Variants in FBXL17 observed in about 807,000 individuals in gnomAD.
FBXL17 encodes F-box/LRR-repeat protein 17.
Under a neutral mutation model 66.2 loss-of-function variants are expected in FBXL17, and 22 were observed. The ratio of observed to expected loss-of-function variants is 0.33; its 90% CI spans 0.24 to 0.47. FBXL17 has a LOEUF of 0.47. Among genes scored for constraint, FBXL17 ranks in the 20% least tolerant of loss-of-function variants. FBXL17 has a pLI of 1.00. For synonymous variants in FBXL17, 474 were observed against 400.5 expected (o/e 1.18, Z -2.19); for missense variants, 878 against 948.2 (o/e 0.93, Z 0.97).
chr5:108,377,220 C>T (rs1749501840), intron 1 of FBXL17, among the ~76,000 whole-genome samples: 1 of 152,204 alleles, frequency 6.6e-6, no homozygotes, highest in African/African-American at 2.4e-5. Flanking sequence ...AGTTAGACAA[C>T]CTCAGGTCTC....
intron 5 of FBXL17, among the ~76,000 whole-genome samples, chr5:108,223,186 CAT>C (rs1364887955): frequency 6.6e-6 from 1 of 152,104 alleles, no homozygotes. Flanking sequence ...CTAGGTAACT[CAT>C]AAACATTTGC....
At chr5:108,064,903 TGGGC>T (rs889568728) in intron 6 of FBXL17, among the ~76,000 whole-genome samples, 1 of 152,192 alleles carries the variant, frequency 6.6e-6, no homozygotes. Context: ...GGATCTCATC[TGGGC>T]CACTGCTTTT....
chr5:107,986,855 A>C (rs1422923134), intron 7 of FBXL17, among the ~76,000 whole-genome samples: 1 of 152,014 alleles, frequency 6.6e-6, no homozygotes, highest in African/African-American at 2.4e-5. Flanking sequence ...TTGAGGGTGG[A>C]AACATCTAAC....
chr5:107,965,667 G>A (rs1752100081), intron 7 of FBXL17, among the ~76,000 whole-genome samples: 1 of 152,136 alleles, frequency 6.6e-6, no homozygotes, highest in Non-Finnish European at 1.5e-5. Flanking sequence ...AACATACCCT[G>A]TTCCATTATT....
intron 7 of FBXL17, 38 bp from the exon 8 acceptor site, chr5:107,881,217 A>C: frequency 1.6e-6 from 2 of 1,243,358 alleles, no homozygotes; most frequent in South Asian, 1.5e-5. Context: ...TAATGTTAGC[A>C]GTGTAAGGGA....
chr5:108,247,251 C>T (rs1385110200), intron 4 of FBXL17, among the ~76,000 whole-genome samples: 13 of 151,118 alleles, frequency 8.6e-5, no homozygotes, highest in East Asian at 5.8e-4. Context: ...CTACATAAAA[C>T]GAAGATAGAG....
At chr5:107,978,480 C>T (rs2112664007) in intron 7 of FBXL17, among the ~76,000 whole-genome samples, 1 of 152,316 alleles carries the variant, frequency 6.6e-6, no homozygotes, top group African/African-American at 2.4e-5. Context: ...AGATTTGTAA[C>T]TTCCCCATTA....
At chr5:108,021,938 T>C (rs145056334) in intron 6 of FBXL17, among the ~76,000 whole-genome samples, 123 of 152,032 alleles carry the variant, frequency 8.1e-4, no homozygotes, top group African/African-American at 2.8e-3. Context: ...CCTGTGTGCA[T>C]AATCTATCAA....
chr5:107,940,759 C>T (rs1174572238), intron 7 of FBXL17, among the ~76,000 whole-genome samples: 1 of 152,120 alleles, frequency 6.6e-6, no homozygotes, highest in Non-Finnish European at 1.5e-5. Flanking sequence ...AACTAATACA[C>T]ATAATTGGAT....
chr5:108,044,526 T>C (rs1747176455), intron 6 of FBXL17, among the ~76,000 whole-genome samples: 1 of 152,218 alleles, frequency 6.6e-6, no homozygotes, highest in South Asian at 2.1e-4. Context: ...ATTCTTTTTA[T>C]ATGGTCCTGA....
chr5:108,239,202 G>C (rs1044089015), intron 4 of FBXL17, among the ~76,000 whole-genome samples: 1 of 152,046 alleles, frequency 6.6e-6, no homozygotes, highest in Non-Finnish European at 1.5e-5. Context: ...ACACCAAACT[G>C]AACAACTATC....
At chr5:108,298,689 A>T (rs1298320917) in intron 4 of FBXL17, 1 of 797,024 alleles carries the variant, frequency 1.3e-6, no homozygotes, top group African/African-American at 2.0e-5. Context: ...CCTCATACAG[A>T]ATATTAAATA....
In FBXL17 at chr5:108,140,177, T is replaced by C. The variant is rs149945672; in HGVS notation, c.1745+45940A>G. ...CCTCCTGCCTCATCCTGCCAAGTAG[T>C]TGGGACTATAGGCACATGTCACCAC... On this transcript the variant is annotated intron_variant, in intron 6 of 8. Coordinates refer to ENST00000542267, the MANE Select transcript of FBXL17 (RefSeq NM_001163315.3). Among the ~76,000 whole-genome samples, 49 of 152,166 alleles carry C rather than the reference T, an allele frequency of 3.2e-4. No individual in the cohort carries two copies. In the South Asian group the frequency reaches 7.1e-3, roughly 22 times the overall value.
intron 4 of FBXL17, among the ~76,000 whole-genome samples, chr5:108,312,171 C>G (rs1012525864): frequency 3.3e-5 from 5 of 152,018 alleles, no homozygotes; most frequent in Non-Finnish European, 7.4e-5. Context: ...AAGGCTATTG[C>G]AGAACAGATT....
intron 3 of FBXL17, among the ~76,000 whole-genome samples, chr5:108,359,972 G>T (rs1339356809): frequency 6.6e-6 from 1 of 152,046 alleles, no homozygotes; most frequent in Non-Finnish European, 1.5e-5. Flanking sequence ...TAAGGATTCT[G>T]TTGTTAGGTA....
At chr5:108,162,753 G>A (rs563318990) in intron 6 of FBXL17, among the ~76,000 whole-genome samples, 2 of 152,276 alleles carry the variant, frequency 1.3e-5, no homozygotes, top group South Asian at 4.1e-4. Flanking sequence ...CACAATAACA[G>A]TATCACCTCA....
intron 6 of FBXL17, among the ~76,000 whole-genome samples, chr5:108,165,367 G>T (rs1486555096): frequency 6.6e-6 from 1 of 152,058 alleles, no homozygotes. Flanking sequence ...TGAATAGTGG[G>T]ATTTTAAGTA....
At chr5:108,014,923 T>A (rs528088499) in intron 7 of FBXL17, among the ~76,000 whole-genome samples, 2 of 152,188 alleles carry the variant, frequency 1.3e-5, no homozygotes, top group Admixed American at 1.3e-4. Context: ...AAACCTCTTA[T>A]AAAACCATCA....
chr5:108,118,806 T>G (rs138778857), intron 6 of FBXL17, among the ~76,000 whole-genome samples: 74 of 152,290 alleles, frequency 4.9e-4, no homozygotes, highest in Middle Eastern at 3.4e-3. Flanking sequence ...TCTGGACACA[T>G]CCAACTTCTC....
Sources: gnomAD v4.1 joint callset for allele counts (sites outside exome capture counted in the v4.1 genomes callset) on GRCh38, gnomAD v4.1.1 for gene constraint, MANE v1.5 for transcripts, NCBI Gene and HGNC (gene_info 2026-07-23, HGNC 2026-07-21) for gene names.